Variants in LSP1 observed in about 807,000 individuals in gnomAD.
LSP1 encodes the protein lymphocyte-specific protein 1.
In LSP1, 32 loss-of-function variants were observed where a neutral mutation model predicts 49.3. The observed-to-expected ratio is 0.65, with a 90% CI of 0.49 to 0.87. LSP1 has a LOEUF of 0.87. Among genes scored for constraint, LSP1 ranks in the 40% least tolerant of loss-of-function variants. LSP1 has a pLI of 0.00. For synonymous variants in LSP1, 179 were observed against 178.8 expected, an observed-to-expected ratio of 1.00 and a Z score of -0.01; for missense variants, 428 against 442.6, an observed-to-expected ratio of 0.97 and a Z score of 0.30.
intron 1 of LSP1, among the ~76,000 whole-genome samples, chr11:1,872,394 C>T (rs111528762): frequency 0.23 from 17,412 of 76,784 alleles, 1,333 homozygotes; most frequent in South Asian, 0.38. Context: ...ACCTTTGGGA[C>T]GGGGTGTGTG....
At chr11:1,866,100 A>G (rs1589810266) in intron 1 of LSP1, among the ~76,000 whole-genome samples, 1 of 152,108 alleles carries the variant, frequency 6.6e-6, no homozygotes. Flanking sequence ...ATCCCTCTGC[A>G]CCGTCAGCCA....
chr11:1,883,328 C>T lies in LSP1; in HGVS notation c.357-91C>T. 3 of 1,498,780 alleles carry T rather than the reference C, an allele frequency of 2.0e-6. 1 individual carries two copies. The highest frequency in any genetic ancestry group is 2.7e-6 in the Non-Finnish European group (3 of 1,093,882). The allele number at this position is 1,498,780 out of a possible 1,614,324, so 92.8% of individuals were successfully genotyped here. On this transcript the variant is annotated intron_variant, in intron 3 of 10. Transcript: ENST00000311604. ...AAGTAGCCTGACTACCTTCATTTTACAGATGGGGAAACTGAGGCTTGGAAA... is the reference window on the plus strand; with the variant it reads ...AAGTAGCCTGACTACCTTCATTTTATAGATGGGGAAACTGAGGCTTGGAAA...
chr11:1,884,363 T>C lies in LSP1; in HGVS notation c.635+40T>C. 1 of 1,613,746 alleles carries C rather than the reference T, an allele frequency of 6.2e-7. No homozygotes were observed. The highest frequency in any genetic ancestry group is 8.5e-7 in the Non-Finnish European group (1 of 1,179,754). ...CTGTCTGCTTTCTGGGCTCAGATCT[T>C]AGGTTTAACCAAGTGGGGGTTGAAG... is the stretch of plus-strand genomic sequence containing the variant. On this transcript the variant is annotated intron_variant, in intron 6 of 10. Coordinates refer to ENST00000311604, the MANE Select transcript of LSP1 (RefSeq NM_002339.3). The surrounding 1 kb of genome is among the most constrained non-coding windows in gnomAD (Gnocchi z 4.1).
chr11:1,863,584 T>A (rs1388213149), intron 1 of LSP1: 1 of 152,238 alleles, frequency 6.6e-6, no homozygotes, highest in African/African-American at 2.4e-5. Context: ...AACCGCCGGA[T>A]GTGAGACTGC....
chr11:1,871,776 C>T (rs1241917090), intron 1 of LSP1, among the ~76,000 whole-genome samples: 14 of 106,894 alleles, frequency 1.3e-4, no homozygotes, highest in Non-Finnish European at 1.6e-4. Context: ...GTAGTCACCC[C>T]AGCCCGTGCT....
At chr11:1,890,592 T>C in intron 10 of LSP1, 1 of 703,164 alleles carries the variant, frequency 1.4e-6, no homozygotes, top group Non-Finnish European at 2.6e-6. Flanking sequence ...CATGACTGTG[T>C]CCTAGGGTGG....
At chr11:1,856,358 C>T (rs189654280) in intron 1 of LSP1, among the ~76,000 whole-genome samples, 14 of 152,378 alleles carry the variant, frequency 9.2e-5, no homozygotes, top group African/African-American at 3.1e-4. Context: ...GCTTTCCCAG[C>T]TCTTCCCAGT....
At position 1,884,055 on chromosome 11, in the gene LSP1, T is replaced by C; in HGVS notation, c.591+31T>C. ...TTAAGCTGCAAAGCCTGCCATCTTC[T>C]CCCCTCTCCCGTACTCATACCCAAA... On this transcript the variant is annotated intron_variant, in intron 5 of 10. Coordinates refer to ENST00000311604, the MANE Select transcript of LSP1 (RefSeq NM_002339.3). This position sits in a 1 kb window ranked among gnomAD's most constrained non-coding sequence, Gnocchi z 4.1. 1 of 1,585,626 alleles carries C rather than the reference T, an allele frequency of 6.3e-7. No homozygotes were observed. The highest frequency in any genetic ancestry group is 8.6e-7 in the Non-Finnish European group (1 of 1,164,896).
chr11:1,881,662 C>T (rs555688150), intron 3 of LSP1, 66 bp downstream of exon 3: 55 of 1,432,970 alleles, frequency 3.8e-5, no homozygotes, highest in African/African-American at 2.1e-4. Flanking sequence ...CGAGGGCGGG[C>T]GCTGGGCAGA....
intron 1 of LSP1, among the ~76,000 whole-genome samples, chr11:1,871,980 A>G (rs1270478822): frequency 2.2e-5 from 3 of 137,734 alleles, no homozygotes; most frequent in African/African-American, 8.4e-5. Flanking sequence ...ACGCTGGTAG[A>G]GTTGGGGTCT....
At chr11:1,863,984 G>A (rs745576890) in intron 1 of LSP1, among the ~76,000 whole-genome samples, 3 of 151,766 alleles carry the variant, frequency 2.0e-5, no homozygotes, top group Non-Finnish European at 4.4e-5. Context: ...AGCCTTCTCT[G>A]GAGGTGACAA....
intron 1 of LSP1, among the ~76,000 whole-genome samples, chr11:1,867,567 G>A (rs1056448119): frequency 2.0e-5 from 3 of 152,162 alleles, no homozygotes; most frequent in East Asian, 1.9e-4. Flanking sequence ...CCACTCAGCC[G>A]GGCATGATGA....
rs1410926027 is a variant in LSP1, at chr11:1,874,127, T to A, written c.54-5960T>A. Among the ~76,000 whole-genome samples the A allele has an allele frequency of 5.0e-4, 31 of 62,490 alleles. 8 individuals are homozygous for A. Among genetic ancestry groups the A allele is most frequent in the Non-Finnish European group, 5.9e-4 (19 of 32,142 alleles). 41.0% of individuals were successfully genotyped at this position (62,490 alleles called of 152,430 possible). ...GGCAGAGGAGGGAGGCTGGGGACAGTGGGGGCAGGCCGGGGACAGTGGGGG... is the reference window on the plus strand; with the variant it reads ...GGCAGAGGAGGGAGGCTGGGGACAGAGGGGGCAGGCCGGGGACAGTGGGGG... On this transcript the variant is annotated intron_variant, in intron 1 of 10. Transcript: ENST00000311604.
chr11:1,873,644 G>A (rs1158886647), intron 1 of LSP1, among the ~76,000 whole-genome samples: 1 of 151,672 alleles, frequency 6.6e-6, no homozygotes, highest in East Asian at 1.9e-4. Flanking sequence ...AGAATGGAAG[G>A]AGGAGGGAGG....
At chr11:1,868,068 C>T (rs1191740125) in intron 1 of LSP1, among the ~76,000 whole-genome samples, 7 of 152,208 alleles carry the variant, frequency 4.6e-5, no homozygotes, top group African/African-American at 1.4e-4. Flanking sequence ...CTGGGCAACT[C>T]GGGGCTCTCC....
chr11:1,883,089 C>T (rs1848613904), intron 3 of LSP1, among the ~76,000 whole-genome samples: 1 of 152,212 alleles, frequency 6.6e-6, no homozygotes. Context: ...GGTGTGCAAG[C>T]AGCTGCCAAG....
Position 1,884,863 on chromosome 11 carries a change from T to G in LSP1, c.717+282T>G, listed in dbSNP as rs563366767. ...GCTTCTGCATCCAATTAATGTTCCT[T>G]TATACAACCAATACTCCTGCAACCA... On this transcript the variant is annotated intron_variant, in intron 7 of 10. Coordinates refer to ENST00000311604, the MANE Select transcript of LSP1 (RefSeq NM_002339.3). The surrounding 1 kb of genome is among the most constrained non-coding windows in gnomAD (Gnocchi z 4.1). Among the ~76,000 whole-genome samples the G allele has an allele frequency of 1.3e-5, 2 of 151,912 alleles. No individual in the cohort carries two copies. Among genetic ancestry groups the G allele is most frequent in the South Asian group, 4.2e-4 (2 of 4,810 alleles).
intron 1 of LSP1, among the ~76,000 whole-genome samples, chr11:1,858,505 G>T (rs556007411): frequency 6.6e-6 from 1 of 152,126 alleles, no homozygotes; most frequent in Non-Finnish European, 1.5e-5. Context: ...CTTTTTGGGG[G>T]CCACTAAAGA....
At position 1,873,956 on chromosome 11, in the gene LSP1, CAGGGAGCCCGGCGGAGG is replaced by C. The variant is rs1565079343; in HGVS notation, c.54-6124_54-6108del. ...CGGCAGAGGAGGGAGGCCGGCAGAG[CAGGGAGCCCGGCGGAGG>C]AGGGAGGCCGGCGGAGGAGGGAGGC... On this transcript the variant is annotated intron_variant, in intron 1 of 10. Coordinates refer to ENST00000311604, the MANE Select transcript of LSP1 (RefSeq NM_002339.3). Among the ~76,000 whole-genome samples the C allele has an allele frequency of 1.0e-3, 50 of 49,278 alleles. 5 individuals are homozygous for C. Among genetic ancestry groups the C allele is most frequent in the African/African-American group, 2.0e-3 (21 of 10,526 alleles). 32.3% of individuals were successfully genotyped at this position (49,278 alleles called of 152,430 possible). A position where few individuals can be genotyped will look rare whatever the true frequency, so the allele number is the denominator to read the frequency against.
Sources: allele counts gnomAD v4.1 joint callset (sites outside exome capture counted in the v4.1 genomes callset), GRCh38; gene constraint gnomAD v4.1.1; non-coding constraint Gnocchi (gnomAD v3.1); transcripts MANE v1.5; gene names NCBI Gene and HGNC (gene_info 2026-07-23, HGNC 2026-07-21).